Variants in LRRC61 observed in about 807,000 individuals in gnomAD.
The protein encoded by LRRC61 is leucine rich repeat containing 61.
Under a neutral mutation model 15.1 loss-of-function variants are expected in LRRC61, and 9 were observed. The ratio of observed to expected loss-of-function variants is 0.60; its 90% confidence interval spans 0.36 to 1.04. The LOEUF is 1.04. Among genes scored for constraint, LRRC61 ranks in the 50% least tolerant of loss-of-function variants. LRRC61 has a pLI of 0.01. For missense variants in LRRC61, 344 were observed against 335.6 expected, an observed-to-expected ratio of 1.03 and a Z score of -0.20; for synonymous variants, 173 against 158.6, an observed-to-expected ratio of 1.09 and a Z score of -0.68.
rs201347346 is a variant in LRRC61 at position 150,330,424 on chromosome 7, G to A, written c.-145+4414G>A. 5.8e-5 allele frequency: 45 copies of A among 773,144 alleles called. No individual in the cohort carries two copies. In the East Asian group the frequency reaches 9.9e-4, roughly 17 times the overall value. The allele number at this position is 773,144 out of a possible 1,614,324, so 47.9% of individuals were successfully genotyped here. On this transcript the variant is annotated intron_variant, in intron 2 of 2. Coordinates refer to ENST00000359623, the MANE Select transcript of LRRC61 (RefSeq NM_001142928.2). This position sits in a 1 kb window ranked among gnomAD's most constrained non-coding sequence, Gnocchi z 4.6. ...TTCCAGATGGTGGTCCGCGAGGCGA[G>A]TGCGGCACAGGCCTCTCTGAGCCAG... is the stretch of plus-strand genomic sequence containing the variant.
chr7:150,318,710 C>T (rs191444632), upstream of LRRC61, among the ~76,000 whole-genome samples: 2 of 152,302 alleles, frequency 1.3e-5, no homozygotes, highest in East Asian at 3.9e-4. Flanking sequence ...CGCACCACTG[C>T]GCTCCAGCCT....
chr7:150,319,205 CTTTTTTTTT>C (rs199647156), upstream of LRRC61, among the ~76,000 whole-genome samples: 1 of 140,744 alleles, frequency 7.1e-6, no homozygotes, highest in Admixed American at 7.1e-5. Flanking sequence ...ATTGCTTCTT[CTTTTTTTTT>C]TTTTTTTGAG....
In LRRC61 at chr7:150,337,323, G is replaced by T; in HGVS notation, c.462G>T (p.Leu154=). 1 of 1,603,912 alleles carries T rather than the reference G, an allele frequency of 6.2e-7. No individual in the cohort carries two copies. The change falls in exon 3 of 3, where the codon CTG becomes CTT. Residue 154 remains leucine (L), a synonymous_variant. Coordinates refer to ENST00000359623, the MANE Select transcript of LRRC61 (RefSeq NM_001142928.2). Reference sequence around the variant, plus strand: ...ACTGGGCTGCAGTCCGGGAGCTGCTGCCTGGCCTGAAAGTCATCGACGGTG... The same window carrying T: ...ACTGGGCTGCAGTCCGGGAGCTGCTTCCTGGCCTGAAAGTCATCGACGGTG... ...PSYWAAVREL[L]PGLKVIDGER... is the part of the protein sequence containing the mutation.
chr7:150,331,429 A>G (rs1382290430), intron 2 of LRRC61: 1 of 300,662 alleles, frequency 3.3e-6, no homozygotes, highest in Non-Finnish European at 6.5e-6. Context: ...GCTCATGGCC[A>G]GAATCTTAAA....
the LRRC61 span, among the ~76,000 whole-genome samples, chr7:150,309,515 G>A: frequency 6.6e-6 from 1 of 152,198 alleles, no homozygotes; most frequent in African/African-American, 2.4e-5. Context: ...GCAACTGCTT[G>A]CGCCTGCTGT....
At position 150,333,662 on chromosome 7, in the gene LRRC61, C is replaced by T. The variant is rs1798185495; in HGVS notation, c.-144-3056C>T. 6.6e-6 allele frequency among the ~76,000 whole-genome samples: 1 copy of T among 152,244 alleles called. No homozygotes were observed. On this transcript the variant is annotated intron_variant, in intron 2 of 2. Transcript: ENST00000359623. This position sits in a 1 kb window ranked among gnomAD's most constrained non-coding sequence, Gnocchi z 4.3. The stretch of plus-strand genomic sequence containing the variant: ...CCAAGTGCCATCCTTGTCACCAGTC[C>T]TCTTTCCAGACTCTGTTGCTGGGCC...
At chr7:150,318,640 T>A (rs1797183279), upstream of LRRC61, among the ~76,000 whole-genome samples, 1 of 152,172 alleles carries the variant, frequency 6.6e-6, no homozygotes, top group African/African-American at 2.4e-5. Context: ...TGCAGAGCTG[T>A]AGTTCCAGTT....
In LRRC61 at chr7:150,330,572, C is replaced by T; in HGVS notation, c.-145+4562C>T. On this transcript the variant is annotated intron_variant, in intron 2 of 2. Transcript: ENST00000359623. The surrounding 1 kb of genome is among the most constrained non-coding windows in gnomAD (Gnocchi z 4.6). ...TGGCTGAGGGGTTGGCCCGGCAGCT[C>T]TGCACCGACTGTCAGCTCAACAAGC... 1 of 786,604 alleles carries T rather than the reference C, an allele frequency of 1.3e-6. No homozygotes were observed. The allele number at this position is 786,604 out of a possible 1,614,324, so 48.7% of individuals were successfully genotyped here.
In LRRC61 at chr7:150,335,392, T is replaced by TTG. The variant is rs1344616169; in HGVS notation, c.-144-1325_-144-1324dup. 4.6e-5 allele frequency among the ~76,000 whole-genome samples: 7 copies of TTG among 152,236 alleles called. No homozygotes were observed. The highest frequency in any genetic ancestry group is 4.6e-4 in the Admixed American group (7 of 15,282). Reference sequence around the variant, plus strand: ...AAATAAAAGAGAATGAGCTGGAATGTTGCAGACTAGAAGGGAGCTAGATAA... The same window carrying TTG: ...AAATAAAAGAGAATGAGCTGGAATGTTGTGCAGACTAGAAGGGAGCTAGATAA... On this transcript the variant is annotated intron_variant, in intron 2 of 2. Transcript: ENST00000359623. This position sits in a 1 kb window ranked among gnomAD's most constrained non-coding sequence, Gnocchi z 4.3.
At chr7:150,313,894 T>A in the LRRC61 span, among the ~76,000 whole-genome samples, 2 of 152,206 alleles carry the variant, frequency 1.3e-5, no homozygotes, top group Non-Finnish European at 2.9e-5. Context: ...CAGAAATCTT[T>A]GGAGCCAGTT....
chr7:150,322,169 TAAG>T (rs1228505009), upstream of LRRC61, among the ~76,000 whole-genome samples: 1 of 152,166 alleles, frequency 6.6e-6, no homozygotes, highest in Non-Finnish European at 1.5e-5. Flanking sequence ...GGTTAGGTGT[TAAG>T]GACTTGTGGG....
intron 2 of LRRC61, among the ~76,000 whole-genome samples, chr7:150,334,766 C>G (rs979455017): frequency 5.3e-5 from 8 of 152,198 alleles, no homozygotes; most frequent in Non-Finnish European, 8.8e-5. Context: ...GCCTGTAATC[C>G]CAACACTTTG....
the LRRC61 span, among the ~76,000 whole-genome samples, chr7:150,317,452 T>C: frequency 6.6e-6 from 1 of 152,230 alleles, no homozygotes; most frequent in East Asian, 1.9e-4. Context: ...ATTATTTTAT[T>C]AGCTGTAGTA....
Position 150,323,521 on chromosome 7 carries a change from T to G in LRRC61, c.-354T>G. On this transcript the variant is annotated 5_prime_UTR_variant, in exon 1 of 3. Transcript: ENST00000359623. ...GCGGAGTTGCGCCGGACTTCCCAGC[T>G]TGGCCAGTGGCTCCGCAGGCTGCCG... 1 of 438,540 alleles carries G rather than the reference T, an allele frequency of 2.3e-6. No homozygotes were observed. The highest frequency in any genetic ancestry group is 1.6e-5 in the South Asian group (1 of 63,120). The allele number at this position is 438,540 out of a possible 1,614,324, so 27.2% of individuals were successfully genotyped here. A position where few individuals can be genotyped will look rare whatever the true frequency, so the allele number is the denominator to read the frequency against.
chr7:150,319,843 C>T (rs1423538480), upstream of LRRC61, among the ~76,000 whole-genome samples: 1 of 152,162 alleles, frequency 6.6e-6, no homozygotes, highest in African/African-American at 2.4e-5. Context: ...TATCTGGAAG[C>T]TCTAGGGGCA....
At chr7:150,323,328 T>C (rs1161984645), upstream of LRRC61, 1 of 272,092 alleles carries the variant, frequency 3.7e-6, no homozygotes, top group Admixed American at 5.9e-5. Context: ...CTACGGCCTT[T>C]GGCCAGGCCC....
At chr7:150,334,503 G>A (rs777371202) in intron 2 of LRRC61, among the ~76,000 whole-genome samples, 5 of 152,140 alleles carry the variant, frequency 3.3e-5, no homozygotes, top group Non-Finnish European at 5.9e-5. Context: ...AGAGGCCTGC[G>A]AGTTCTTAGA....
Position 150,337,433 on chromosome 7 carries a change from CCA to C in LRRC61, c.573_574del (p.Arg192SerfsTer95). On this transcript the variant is annotated frameshift_variant, in exon 3 of 3. Coordinates refer to ENST00000359623, the MANE Select transcript of LRRC61 (RefSeq NM_001142928.2). LOFTEE classifies it high-confidence loss of function. Reference sequence around the variant, plus strand: ...TTGCGTCCCAGCTCCAGTCCAGGCCCCAGAGCCACCGAGGCCCAGCCCTGGGT... The same window carrying C: ...TTGCGTCCCAGCTCCAGTCCAGGCCCGAGCCACCGAGGCCCAGCCCTGGGT... The C allele has an allele frequency of 6.2e-7, 1 of 1,604,942 alleles. No individual in the cohort carries two copies. Among genetic ancestry groups the C allele is most frequent in the African/African-American group, 1.3e-5 (1 of 75,050 alleles).
At position 150,334,032 on chromosome 7, in the gene LRRC61, G is replaced by A. The variant is rs144721828; in HGVS notation, c.-144-2686G>A. ...TGTTGGAGGGCAACAGGGAAGGGCCGATTTCTGTCCCGGTGGGGTCTTTCT... is the reference window on the plus strand; with the variant it reads ...TGTTGGAGGGCAACAGGGAAGGGCCAATTTCTGTCCCGGTGGGGTCTTTCT... On this transcript the variant is annotated intron_variant, in intron 2 of 2. Transcript: ENST00000359623. 3.3e-5 allele frequency: 33 copies of A among 985,374 alleles called. No homozygotes were observed. The East Asian group carries it at 1.9e-3, about 58-fold the overall frequency. 61.0% of individuals were successfully genotyped at this position (985,374 alleles called of 1,614,324 possible).
Sources: gnomAD v4.1 joint callset for allele counts (sites outside exome capture counted in the v4.1 genomes callset) on GRCh38, gnomAD v4.1.1 for gene constraint, Gnocchi (gnomAD v3.1) non-coding constraint, MANE v1.5 for transcripts, NCBI Gene and HGNC (gene_info 2026-07-23, HGNC 2026-07-21) for gene names.